The following ARID1B variants were observed in gnomAD, a reference collection of about 807,000 sequenced individuals.
ARID1B encodes the protein AT-rich interaction domain 1B, also known as AT-rich interactive domain-containing protein 1B.
ARID1B carries 30 observed loss-of-function variants against 212.3 expected under a neutral mutation model. The observed-to-expected ratio is 0.14, with a 90% CI of 0.11 to 0.19. The LOEUF is 0.19. Among genes scored for constraint, ARID1B ranks in the 10% least tolerant of loss-of-function variants. The pLI is 1.00. For synonymous variants in ARID1B, 1,402 were observed against 1,301.7 expected (o/e 1.08, Z -1.66); for missense variants, 2,891 against 3,204.0 (o/e 0.90, Z 2.36).
At chr6:156,820,178 G>T (rs949302736) in intron 1 of ARID1B, among the ~76,000 whole-genome samples, 2 of 152,148 alleles carry the variant, frequency 1.3e-5, no homozygotes, top group Admixed American at 1.3e-4. Flanking sequence ...ACAGAAGCTT[G>T]GGGAGGTGAT....
chr6:156,881,344 A>G (rs747820371), intron 2 of ARID1B, among the ~76,000 whole-genome samples: 1 of 152,218 alleles, frequency 6.6e-6, no homozygotes, highest in African/African-American at 2.4e-5. Flanking sequence ...AAATTCTGGC[A>G]TGTTGTATTT....
rs144036552 is a variant in ARID1B at position 156,834,519 on chromosome 6, G to A, written c.1986+5098G>A. 2.3e-3 allele frequency among the ~76,000 whole-genome samples: 343 copies of A among 152,240 alleles called. 2 individuals carry two copies. Among genetic ancestry groups the A allele is most frequent in the African/African-American group, 7.7e-3 (319 of 41,524 alleles). ...CAATGGCATTCTTGTGTAATGAAAC[G>A]TGTATATGTATATTAATTTATATGT... On this transcript the variant is annotated intron_variant, in intron 2 of 19. Transcript: ENST00000636930.
chr6:156,779,554 T>A, intron 1 of ARID1B, 83 bp downstream of exon 1: 1 of 1,149,828 alleles, frequency 8.7e-7, no homozygotes, highest in Non-Finnish European at 1.1e-6. Flanking sequence ...TGCCGCGTAC[T>A]TTTCCCCGTC....
intron 4 of ARID1B, among the ~76,000 whole-genome samples, chr6:157,050,082 C>T (rs2128553187): frequency 6.6e-6 from 1 of 152,274 alleles, no homozygotes; most frequent in South Asian, 2.1e-4. Context: ...TGGGGTGTCT[C>T]TCCCTGACTC....
At chr6:157,171,195 ACTTT>A (rs1220036650) in intron 9 of ARID1B, among the ~76,000 whole-genome samples, 1 of 152,250 alleles carries the variant, frequency 6.6e-6, no homozygotes, top group Non-Finnish European at 1.5e-5. Context: ...ACCCACACTT[ACTTT>A]AAGAAATCGT....
Position 156,778,931 on chromosome 6 carries a change from AGGAGCG to A in ARID1B, c.1257_1262del (p.Gly420_Ala421del), listed in dbSNP as rs1778935469. The A allele has an allele frequency of 7.6e-7, 1 of 1,310,650 alleles. No homozygotes were observed. Among genetic ancestry groups the A allele is most frequent in the Non-Finnish European group, 9.6e-7 (1 of 1,037,576 alleles). 81.2% of individuals were successfully genotyped at this position (1,310,650 alleles called of 1,614,324 possible). A position where few individuals can be genotyped will look rare whatever the true frequency, so the allele number is the denominator to read the frequency against. On this transcript the variant is annotated inframe_deletion, in exon 1 of 20. Transcript: ENST00000636930. ...GAGGAGGAGCAGGAGCAGGAGGAGC[AGGAGCG>A]GGAGCTGTGGCGGCGGCGGCCGCGG...
At position 156,909,123 on chromosome 6, in the gene ARID1B, CTT is replaced by C. The variant is rs60183999; in HGVS notation, c.2136+7617_2136+7618del. ...TTCTTTTTTTTTCTTTTTTCTTTCTCTTTTTTTTTTTTTTTTTTTTGAGACAG... is the reference window on the plus strand; with the variant it reads ...TTCTTTTTTTTTCTTTTTTCTTTCTCTTTTTTTTTTTTTTTTTTGAGACAG... On this transcript the variant is annotated intron_variant, in intron 3 of 19. Coordinates refer to ENST00000636930, the MANE Select transcript of ARID1B (RefSeq NM_001374828.1). 2.4e-4 allele frequency among the ~76,000 whole-genome samples: 26 copies of C among 108,806 alleles called. No homozygotes were observed. In the East Asian group the frequency reaches 2.8e-3, roughly 12 times the overall value. 71.4% of individuals were successfully genotyped at this position (108,806 alleles called of 152,430 possible).
At chr6:156,869,898 T>A (rs574746674) in intron 2 of ARID1B, among the ~76,000 whole-genome samples, 4 of 152,206 alleles carry the variant, frequency 2.6e-5, no homozygotes, top group Admixed American at 2.0e-4. Flanking sequence ...ATTTAAAATA[T>A]CATTTCCAAT....
intron 1 of ARID1B, among the ~76,000 whole-genome samples, chr6:156,828,571 A>G (rs1201150009): frequency 6.6e-6 from 1 of 152,212 alleles, no homozygotes; most frequent in Non-Finnish European, 1.5e-5. Flanking sequence ...ACCAAACCAA[A>G]AATAAAATTC....
intron 7 of ARID1B, among the ~76,000 whole-genome samples, chr6:157,144,636 AC>A (rs1338985290): frequency 1.3e-5 from 2 of 151,976 alleles, no homozygotes; most frequent in Non-Finnish European, 2.9e-5. Context: ...ATTCCTTCTC[AC>A]AGGGAAAAGT....
chr6:156,937,765 A>G (rs2128280289), intron 4 of ARID1B: 1 of 152,106 alleles, frequency 6.6e-6, no homozygotes, highest in Non-Finnish European at 1.5e-5. Flanking sequence ...GAATTGTTCT[A>G]TTTCTGTCTT....
chr6:156,802,418 T>C (rs945611134), intron 1 of ARID1B, among the ~76,000 whole-genome samples: 20 of 152,214 alleles, frequency 1.3e-4, no homozygotes, highest in Non-Finnish European at 2.4e-4. Context: ...CCCTTCTTTT[T>C]AGGATTTAGT....
Position 156,934,912 on chromosome 6 carries a change from T to TTTTATATA in ARID1B, c.2137-553_2137-552insTTATATAT, listed in dbSNP as rs1313755694. Among the ~76,000 whole-genome samples the TTTTATATA allele has an allele frequency of 1.5e-3, 80 of 52,686 alleles. 6 individuals are homozygous for TTTTATATA. The highest frequency in any genetic ancestry group is 4.6e-3 in the African/African-American group (62 of 13,574). 34.6% of individuals were successfully genotyped at this position (52,686 alleles called of 152,430 possible). A position where few individuals can be genotyped will look rare whatever the true frequency, so the allele number is the denominator to read the frequency against. On this transcript the variant is annotated intron_variant, in intron 3 of 19. Coordinates refer to ENST00000636930, the MANE Select transcript of ARID1B (RefSeq NM_001374828.1). ...GTCTCATAATAAATTTAGTTGTTAATTATATATATATATATATATATATAT... is the reference window on the plus strand; with the variant it reads ...GTCTCATAATAAATTTAGTTGTTAATTTTATATATATATATATATATATATATATATAT...
At chr6:156,897,620 A>AT (rs201579910) in intron 2 of ARID1B, among the ~76,000 whole-genome samples, 5,888 of 150,078 alleles carry the variant, frequency 0.039, 310 homozygotes, top group African/African-American at 0.12. Flanking sequence ...GATCTGAGGC[A>AT]TTTTTTTTTG....
Position 156,778,353 on chromosome 6 carries a change from G to A in ARID1B, c.673G>A (p.Gly225Ser), listed in dbSNP as rs1035193068. 8 of 1,540,062 alleles carry A rather than the reference G, an allele frequency of 5.2e-6. No individual in the cohort carries two copies. Among genetic ancestry groups the A allele is most frequent in the Non-Finnish European group, 6.1e-6 (7 of 1,146,092 alleles). ...CATTTCCAACAACAACAGCTTGGGC[G>A]GCGCGGGCGGCGGCGCGCCTCAGCC... ...HPISNNNSLG[G>S]AGGGAPQPGP... The change falls in exon 1 of 20, where the codon GGC becomes AGC. Residue 225 changes from glycine (G) to serine (S), a missense_variant. Gly to Ser is a moderately conservative substitution (Grantham distance 56). Around this residue, in one of 7 missense-constraint regions of ARID1B, gnomAD observed 1,643 missense variants for 1,544.0 expected, o/e 1.06. Coordinates refer to ENST00000636930, the MANE Select transcript of ARID1B (RefSeq NM_001374828.1).
chr6:157,162,380 G>A (rs964103903), intron 8 of ARID1B, among the ~76,000 whole-genome samples: 1 of 152,186 alleles, frequency 6.6e-6, no homozygotes, highest in Admixed American at 6.5e-5. Flanking sequence ...TTGAAAACTG[G>A]TGTTTGCTTT....
At chr6:157,155,042 A>G (rs1293288732) in intron 8 of ARID1B, among the ~76,000 whole-genome samples, 2 of 151,426 alleles carry the variant, frequency 1.3e-5, no homozygotes, top group Non-Finnish European at 2.9e-5. Context: ...TGAAATCTGG[A>G]TTTTTTTTCT....
chr6:156,874,646 A>G (rs910077423), intron 2 of ARID1B, among the ~76,000 whole-genome samples: 1 of 152,022 alleles, frequency 6.6e-6, no homozygotes, highest in African/African-American at 2.4e-5. Context: ...CTTTCTGACT[A>G]TGTCCTTCAT....
chr6:157,009,388 C>T (rs867772876), intron 4 of ARID1B, among the ~76,000 whole-genome samples: 2 of 152,096 alleles, frequency 1.3e-5, no homozygotes, highest in Non-Finnish European at 2.9e-5. Flanking sequence ...TGACTAGAGG[C>T]AGGGAGGCCA....
Sources: allele counts gnomAD v4.1 joint callset (sites outside exome capture counted in the v4.1 genomes callset), GRCh38; gene constraint gnomAD v4.1.1; regional missense constraint gnomAD v4.1.1; transcripts MANE v1.5; gene names NCBI Gene and HGNC (gene_info 2026-07-23, HGNC 2026-07-21).